The following DLG2 variants were observed in gnomAD, a reference collection of about 807,000 sequenced individuals.
DLG2 encodes the protein discs large MAGUK scaffold protein 2.
A neutral mutation model predicts 132.5 loss-of-function variants in DLG2; 45 were observed. The ratio of observed to expected loss-of-function variants is 0.34; its 90% CI spans 0.27 to 0.44. The LOEUF is 0.44. DLG2 is among the 20% of genes least tolerant of loss of function. DLG2 has a pLI of 1.00. For synonymous variants in DLG2, 424 were observed against 419.6 expected (o/e 1.01, Z -0.13); for missense variants, 1,045 against 1,196.9 (o/e 0.87, Z 1.87).
intron 10 of DLG2, among the ~76,000 whole-genome samples, chr11:84,096,900 GA>G (rs34629978): frequency 0.85 from 125,196 of 147,782 alleles, 53,215 homozygotes; most frequent in Middle Eastern, 0.93. Flanking sequence ...ACATTTACCT[GA>G]AAAAAAAAAA....
At chr11:85,258,856 C>G (rs1359675911) in intron 4 of DLG2, among the ~76,000 whole-genome samples, 1 of 152,144 alleles carries the variant, frequency 6.6e-6, no homozygotes, top group Non-Finnish European at 1.5e-5. Context: ...GGAACTAACA[C>G]TTATTGAGTA....
intron 3 of DLG2, among the ~76,000 whole-genome samples, chr11:85,331,039 G>T (rs1414427597): frequency 6.6e-6 from 1 of 152,072 alleles, no homozygotes. Context: ...TCTGTATTAA[G>T]TTTAAAATAT....
chr11:84,024,657 T>C (rs1401535279), intron 11 of DLG2, among the ~76,000 whole-genome samples: 26 of 152,124 alleles, frequency 1.7e-4, no homozygotes, highest in Admixed American at 1.6e-3. Flanking sequence ...GTCCAGCAAA[T>C]ATAAACACTC....
At chr11:84,690,532 C>G (rs1042536916) in intron 6 of DLG2, among the ~76,000 whole-genome samples, 1 of 151,602 alleles carries the variant, frequency 6.6e-6, no homozygotes, top group African/African-American at 2.4e-5. Flanking sequence ...CAATGTAGAG[C>G]GTGGGAAAGA....
At chr11:84,923,062 C>T (rs374590477) in intron 6 of DLG2, 1 of 1,613,848 alleles carries the variant, frequency 6.2e-7, no homozygotes, top group African/African-American at 1.3e-5. Context: ...CAGTTGCCGG[C>T]TCGCCTCCTC....
chr11:83,668,117 A>C (rs2076056326), intron 18 of DLG2, among the ~76,000 whole-genome samples: 1 of 151,630 alleles, frequency 6.6e-6, no homozygotes, highest in African/African-American at 2.4e-5. Flanking sequence ...GAAACCAAAC[A>C]AACAAAATGA....
intron 2 of DLG2, among the ~76,000 whole-genome samples, chr11:85,608,346 TTC>T (rs371657114): frequency 8.0e-5 from 12 of 150,438 alleles, no homozygotes; most frequent in African/African-American, 9.7e-5. Flanking sequence ...GGCCCCATTA[TTC>T]TCTCTCTCTC....
chr11:83,486,460 C>T (rs2093515646), intron 21 of DLG2, among the ~76,000 whole-genome samples: 1 of 151,924 alleles, frequency 6.6e-6, no homozygotes, highest in African/African-American at 2.4e-5. Context: ...GCTTTGAGGG[C>T]CCAAAATGGG....
intron 11 of DLG2, among the ~76,000 whole-genome samples, chr11:84,004,903 T>G (rs1211170792): frequency 6.8e-6 from 1 of 146,866 alleles, no homozygotes; most frequent in Admixed American, 6.9e-5. Flanking sequence ...GAGTCATTTT[T>G]TTTTACAGAA....
chr11:83,553,524 GTGTGTT>G (rs2096445444), intron 19 of DLG2, among the ~76,000 whole-genome samples: 2 of 137,250 alleles, frequency 1.5e-5, no homozygotes, highest in Non-Finnish European at 3.2e-5. Context: ...GTGTGTGTGT[GTGTGTT>G]TGCTGCTGCT....
At chr11:84,086,082 A>T (rs1193355987) in intron 10 of DLG2, among the ~76,000 whole-genome samples, 1 of 152,196 alleles carries the variant, frequency 6.6e-6, no homozygotes, top group Non-Finnish European at 1.5e-5. Flanking sequence ...TTGTTTAAAG[A>T]TTACTTACAC....
rs190966815 is a variant in DLG2, at chr11:84,396,884, C to T, written c.519+137686G>A. 2.6e-4 allele frequency among the ~76,000 whole-genome samples: 40 copies of T among 152,302 alleles called. No homozygotes were observed. The East Asian group carries it at 6.9e-3, about 26-fold the overall frequency. ...TCAACTCTTTTATTTTGTGACGGTG[C>T]AACATCTTTTCTGAGAATAGCTTAA... On this transcript the variant is annotated intron_variant, in intron 7 of 27. Coordinates refer to ENST00000376104, the MANE Select transcript of DLG2 (RefSeq NM_001142699.3).
intron 3 of DLG2, among the ~76,000 whole-genome samples, chr11:85,340,559 A>G (rs1185089649): frequency 6.6e-6 from 1 of 152,244 alleles, no homozygotes; most frequent in Non-Finnish European, 1.5e-5. Flanking sequence ...TGATGGGTGC[A>G]GTAAACCAAC....
chr11:83,525,952 G>A (rs566490977), intron 21 of DLG2, among the ~76,000 whole-genome samples: 1 of 146,704 alleles, frequency 6.8e-6, no homozygotes, highest in African/African-American at 2.5e-5. Context: ...TCTGCTACCA[G>A]CTCTTTGTGT....
chr11:85,340,366 A>G (rs1306264970), intron 3 of DLG2, among the ~76,000 whole-genome samples: 1 of 152,158 alleles, frequency 6.6e-6, no homozygotes, highest in Non-Finnish European at 1.5e-5. Flanking sequence ...GGAAACCATC[A>G]TTCTCAGCAA....
At chr11:84,024,136 G>C (rs1048887641) in intron 11 of DLG2, among the ~76,000 whole-genome samples, 1 of 152,056 alleles carries the variant, frequency 6.6e-6, no homozygotes, top group Admixed American at 6.6e-5. Context: ...TTGTTTAAGG[G>C]TCAACAATAC....
intron 7 of DLG2, among the ~76,000 whole-genome samples, chr11:84,435,540 G>A (rs751265809): frequency 2.6e-5 from 4 of 151,974 alleles, no homozygotes; most frequent in Non-Finnish European, 4.4e-5. Context: ...TATTTCCTTT[G>A]GTCTTTGTCA....
At chr11:83,751,496 C>G (rs2093307342) in intron 18 of DLG2, among the ~76,000 whole-genome samples, 1 of 152,004 alleles carries the variant, frequency 6.6e-6, no homozygotes, top group Non-Finnish European at 1.5e-5. Flanking sequence ...ACCAAGGTGA[C>G]CATTAGGAGT....
intron 22 of DLG2, among the ~76,000 whole-genome samples, chr11:83,478,050 G>A (rs1484145746): frequency 6.6e-6 from 1 of 152,000 alleles, no homozygotes; most frequent in Non-Finnish European, 1.5e-5. Flanking sequence ...GTCACACTTT[G>A]TGCACTTTTT....
Sources: gnomAD v4.1 joint callset for allele counts (sites outside exome capture counted in the v4.1 genomes callset) on GRCh38, gnomAD v4.1.1 for gene constraint, MANE v1.5 for transcripts, NCBI Gene and HGNC (gene_info 2026-07-23, HGNC 2026-07-21) for gene names.